The following CLVS1 variants were observed in gnomAD, a reference collection of about 807,000 sequenced individuals.
CLVS1 encodes clavesin-1.
Under a neutral mutation model 33.1 loss-of-function variants are expected in CLVS1, and 10 were observed. That is an observed-to-expected ratio of 0.30 (90% confidence interval 0.19 to 0.51). The LOEUF is 0.51. Among genes scored for constraint, CLVS1 ranks in the 20% least tolerant of loss-of-function variants. The pLI is 0.97. For synonymous variants in CLVS1, 163 were observed against 166.1 expected (o/e 0.98, Z 0.14); for missense variants, 343 against 433.4 (o/e 0.79, Z 1.85).
intron 2 of CLVS1, among the ~76,000 whole-genome samples, chr8:61,276,975 C>G (rs1183155943): frequency 6.6e-6 from 1 of 152,176 alleles, no homozygotes; most frequent in Non-Finnish European, 1.5e-5. Flanking sequence ...GTTCCTTACC[C>G]TTTTAACACC....
chr8:61,086,035 CAAAAAAAAAAAAAAAAAA>C (rs4033854), intron 1 of CLVS1, among the ~76,000 whole-genome samples: 9 of 31,246 alleles, frequency 2.9e-4, no homozygotes, highest in Admixed American at 1.8e-3. Flanking sequence ...GACTCCCTCT[CAAAAAAAAAAAAAAAAAA>C]AAAAAAAAAA....
At chr8:60,994,407 G>A in the CLVS1 span, among the ~76,000 whole-genome samples, 2 of 152,218 alleles carry the variant, frequency 1.3e-5, no homozygotes, top group East Asian at 3.9e-4. Context: ...GAAACTGTAT[G>A]TTAAAACTTG....
At chr8:61,212,113 T>A (rs971665083) in intron 2 of CLVS1, among the ~76,000 whole-genome samples, 8 of 152,208 alleles carry the variant, frequency 5.3e-5, no homozygotes, top group Admixed American at 5.2e-4. Context: ...GCCACTGAGC[T>A]TGCAGTTTGT....
intron 2 of CLVS1, among the ~76,000 whole-genome samples, chr8:61,371,776 C>T (rs1407639267): frequency 1.3e-5 from 2 of 152,152 alleles, no homozygotes; most frequent in African/African-American, 4.8e-5. Flanking sequence ...TTTAAAGCCT[C>T]AGGTGCTTAA....
intron 5 of CLVS1, among the ~76,000 whole-genome samples, chr8:61,479,246 A>G (rs767835999): frequency 2.6e-5 from 4 of 152,150 alleles, no homozygotes; most frequent in Non-Finnish European, 4.4e-5. Flanking sequence ...GTCTTTTCAC[A>G]TAGTCCCATA....
chr8:61,059,636 C>T (rs946858563), intron 1 of CLVS1, among the ~76,000 whole-genome samples: 2 of 150,680 alleles, frequency 1.3e-5, no homozygotes, highest in African/African-American at 2.4e-5. Flanking sequence ...GTGGTGAAAC[C>T]CCATGTCTAC....
chr8:61,203,287 G>C, intron 2 of CLVS1: 1 of 770,958 alleles, frequency 1.3e-6, no homozygotes, highest in South Asian at 1.4e-5. Flanking sequence ...TGTAACAGTT[G>C]ATATCTGGCT....
At chr8:61,020,512 C>A in the CLVS1 span, among the ~76,000 whole-genome samples, 2 of 152,198 alleles carry the variant, frequency 1.3e-5, no homozygotes, top group East Asian at 3.8e-4. Flanking sequence ...GCAGCCAACT[C>A]CAAGACAGTT....
chr8:61,278,519 T>G lies in CLVS1; in HGVS notation c.-151-21158T>G, dbSNP rs56874378. Reference sequence around the variant, plus strand: ...TCAAAGCAGATATTCAAAATTTTTCTGATGTTATAACTTGGAGGTGTTGGA... The same window carrying G: ...TCAAAGCAGATATTCAAAATTTTTCGGATGTTATAACTTGGAGGTGTTGGA... On this transcript the variant is annotated intron_variant, in intron 2 of 2. Transcript: ENST00000522621. Among the ~76,000 whole-genome samples the G allele has an allele frequency of 2.0e-5, 3 of 152,214 alleles. No individual in the cohort carries two copies. In the East Asian group the frequency reaches 5.8e-4, roughly 29 times the overall value.
intron 2 of CLVS1, among the ~76,000 whole-genome samples, chr8:61,347,835 T>A (rs1430705538): frequency 3.3e-5 from 5 of 151,372 alleles, no homozygotes; most frequent in Non-Finnish European, 7.4e-5. Flanking sequence ...TTTTTAATTT[T>A]TTAAGGACCC....
intron 1 of CLVS1, among the ~76,000 whole-genome samples, chr8:61,108,560 T>C: frequency 1.3e-5 from 2 of 152,310 alleles, no homozygotes; most frequent in East Asian, 1.9e-4. Flanking sequence ...AAGAGACATA[T>C]ATTATTATGT....
At chr8:61,281,071 C>T (rs558912203) in intron 2 of CLVS1, among the ~76,000 whole-genome samples, 3 of 152,182 alleles carry the variant, frequency 2.0e-5, no homozygotes, top group African/African-American at 4.8e-5. Flanking sequence ...GAATTTGCTA[C>T]ATTTATTCTA....
chr8:61,084,451 A>G (rs10088385), intron 1 of CLVS1, among the ~76,000 whole-genome samples: 85,302 of 152,032 alleles, frequency 0.56, 26,675 homozygotes, highest in African/African-American at 0.84. Context: ...GATTGTCACA[A>G]TTGGAGCAAT....
chr8:61,129,951 G>C (rs889483725), intron 1 of CLVS1, among the ~76,000 whole-genome samples: 3 of 152,100 alleles, frequency 2.0e-5, no homozygotes, highest in Admixed American at 1.3e-4. Flanking sequence ...TGATTCAAGA[G>C]TTAAGGCCAG....
At chr8:61,202,401 T>C in intron 2 of CLVS1, 1 of 763,764 alleles carries the variant, frequency 1.3e-6, no homozygotes. Flanking sequence ...CCCAGAACTA[T>C]CTTTTTGGTT....
intron 2 of CLVS1, among the ~76,000 whole-genome samples, chr8:61,171,025 T>C (rs573180379): frequency 2.1e-4 from 32 of 151,638 alleles, no homozygotes; most frequent in Non-Finnish European, 2.4e-4. Flanking sequence ...TATTAGTAGG[T>C]TTTTTTTTCT....
At chr8:61,048,005 A>G in the CLVS1 span, among the ~76,000 whole-genome samples, 1 of 152,180 alleles carries the variant, frequency 6.6e-6, no homozygotes, top group Non-Finnish European at 1.5e-5. Context: ...AAAATGTACT[A>G]TATTAGAGGA....
the CLVS1 span, among the ~76,000 whole-genome samples, chr8:60,975,238 T>C: frequency 6.6e-6 from 1 of 152,292 alleles, no homozygotes; most frequent in East Asian, 1.9e-4. Context: ...TGCATTATTT[T>C]TTTGAGCCCC....
intron 4 of CLVS1, among the ~76,000 whole-genome samples, chr8:61,457,386 A>G (rs1242164952): frequency 1.3e-5 from 2 of 152,194 alleles, no homozygotes; most frequent in African/African-American, 2.4e-5. Context: ...ACATCAGTAC[A>G]TGGATGGACT....
Sources: allele counts gnomAD v4.1 joint callset (sites outside exome capture counted in the v4.1 genomes callset), GRCh38; gene constraint gnomAD v4.1.1; transcripts MANE v1.5; gene names NCBI Gene and HGNC (gene_info 2026-07-23, HGNC 2026-07-21).